The following PIEZO2 variants were observed in gnomAD, a reference collection of about 807,000 sequenced individuals.
PIEZO2 encodes piezo type mechanosensitive ion channel component 2.
In PIEZO2, 172 loss-of-function variants were observed where a neutral mutation model predicts 337.3. That is an observed-to-expected ratio of 0.51 (90% CI 0.45 to 0.58). PIEZO2 has a LOEUF of 0.58. PIEZO2 is among the 20% of genes least tolerant of loss of function. PIEZO2 has a pLI of 0.00. For missense variants in PIEZO2, 3,028 were observed against 3,391.3 expected, an observed-to-expected ratio of 0.89 and a Z score of 2.66; for synonymous variants, 1,251 against 1,228.5, an observed-to-expected ratio of 1.02 and a Z score of -0.38.
At chr18:10,714,311 A>G (rs560013503) in intron 39 of PIEZO2, among the ~76,000 whole-genome samples, 27 of 152,340 alleles carry the variant, frequency 1.8e-4, no homozygotes, top group African/African-American at 5.5e-4. Context: ...ATGGAAGCTA[A>G]CAGAATACTT....
At chr18:11,060,893 C>A (rs1037356885) in intron 2 of PIEZO2, among the ~76,000 whole-genome samples, 3 of 152,172 alleles carry the variant, frequency 2.0e-5, no homozygotes, top group African/African-American at 7.2e-5. Flanking sequence ...GGAATCCTCC[C>A]TAACTCATTT....
At chr18:10,679,005 T>C (rs1308248246) in intron 52 of PIEZO2, among the ~76,000 whole-genome samples, 1 of 150,638 alleles carries the variant, frequency 6.6e-6, no homozygotes, top group Non-Finnish European at 1.5e-5. Context: ...TGATCTCAGC[T>C]CACTGCAACC....
chr18:11,026,750 T>C (rs916345076), intron 2 of PIEZO2, among the ~76,000 whole-genome samples: 10 of 152,180 alleles, frequency 6.6e-5, no homozygotes, highest in African/African-American at 2.4e-4. Context: ...CAGCACCCTC[T>C]TCAAAACTGT....
In PIEZO2 at chr18:11,078,098, C is replaced by A. The variant is rs2038612499; in HGVS notation, c.65-11876G>T. Among the ~76,000 whole-genome samples the A allele has an allele frequency of 6.7e-6, 1 of 148,352 alleles. No individual in the cohort carries two copies. Among genetic ancestry groups the A allele is most frequent in the Admixed American group, 6.7e-5 (1 of 14,988 alleles). On this transcript the variant is annotated intron_variant, in intron 1 of 55. Coordinates refer to ENST00000674853, the MANE Select transcript of PIEZO2 (RefSeq NM_001378183.1). This position sits in a 1 kb window ranked among gnomAD's most constrained non-coding sequence, Gnocchi z 5.3. Reference sequence around the variant, plus strand: ...ACACAAAAACAAACATACACACACACAAACACATACACATATACACACCAT... The same window carrying A: ...ACACAAAAACAAACATACACACACAAAAACACATACACATATACACACCAT...
chr18:10,708,762 T>A (rs1246644616), intron 39 of PIEZO2, among the ~76,000 whole-genome samples: 1 of 152,256 alleles, frequency 6.6e-6, no homozygotes, highest in Non-Finnish European at 1.5e-5. Context: ...TAATTATAAC[T>A]TCGTAACAGA....
At chr18:10,735,358 T>C (rs1321860754) in intron 34 of PIEZO2, among the ~76,000 whole-genome samples, 28 bp from the exon 35 acceptor site, 3 of 152,162 alleles carry the variant, frequency 2.0e-5, no homozygotes, top group Non-Finnish European at 4.4e-5. Context: ...GCAAGAGTAA[T>C]TAGTAGAAAA....
chr18:10,873,672 G>T (rs2042194268), intron 4 of PIEZO2, among the ~76,000 whole-genome samples: 1 of 151,952 alleles, frequency 6.6e-6, no homozygotes, highest in Admixed American at 6.6e-5. Flanking sequence ...CCACGTATTT[G>T]TTACTATAAT....
chr18:10,759,505 C>A lies in PIEZO2; in HGVS notation c.3734G>T (p.Arg1245Leu), dbSNP rs371101691. 1 of 1,537,050 alleles carries A rather than the reference C, an allele frequency of 6.5e-7. No individual in the cohort carries two copies. Residue 1245 changes from arginine (R) to leucine (L), a missense_variant, in exon 26 of 56, where the codon CGG (arginine) becomes CTG (leucine). Around this residue, in one of 5 missense-constraint regions of PIEZO2, gnomAD observed 1,925 missense variants for 2,051.9 expected, o/e 0.94. Coordinates refer to ENST00000674853, the MANE Select transcript of PIEZO2 (RefSeq NM_001378183.1). This position sits in a 1 kb window ranked among gnomAD's most constrained non-coding sequence, Gnocchi z 5.5. ...KWLYFPDFIVRPNPVFLVYDF... is the reference protein window; with the variant it reads ...KWLYFPDFIVLPNPVFLVYDF... ...ACAGACGAGAAACACAGGGTTGGGCCGCACAATGAAATCTGGGAAGTACAG... is the reference window on the plus strand; with the variant it reads ...ACAGACGAGAAACACAGGGTTGGGCAGCACAATGAAATCTGGGAAGTACAG...
Position 10,924,281 on chromosome 18 carries a change from T to C in PIEZO2, c.287-13053A>G, listed in dbSNP as rs182978378. Among the ~76,000 whole-genome samples the C allele has an allele frequency of 4.6e-5, 7 of 152,378 alleles. No homozygotes were observed. The East Asian group carries it at 1.3e-3, about 29-fold the overall frequency. On this transcript the variant is annotated intron_variant, in intron 3 of 55. Coordinates refer to ENST00000674853, the MANE Select transcript of PIEZO2 (RefSeq NM_001378183.1). ...GTGGTTTGTTTCAGTTTATCCATGT[T>C]GCATTATATACTTTTGCTTTTAGTG...
intron 2 of PIEZO2, among the ~76,000 whole-genome samples, chr18:11,045,980 G>A (rs1390999162): frequency 6.6e-6 from 1 of 152,148 alleles, no homozygotes; most frequent in Non-Finnish European, 1.5e-5. Flanking sequence ...TAAATGTACA[G>A]GACTTGCTCA....
At chr18:10,671,884 A>G in intron 55 of PIEZO2, 105 bp from the exon 56 acceptor site, 1 of 1,066,802 alleles carries the variant, frequency 9.4e-7, no homozygotes, top group Non-Finnish European at 1.3e-6. Context: ...AATTCTGTAG[A>G]AGAAATAAGC....
chr18:10,934,022 G>A (rs189946198), intron 3 of PIEZO2, among the ~76,000 whole-genome samples: 1 of 152,228 alleles, frequency 6.6e-6, no homozygotes, highest in Non-Finnish European at 1.5e-5. Flanking sequence ...TCCAGGGTAA[G>A]TCTTTATTTG....
intron 4 of PIEZO2, among the ~76,000 whole-genome samples, chr18:10,901,664 G>A (rs2043052315): frequency 6.6e-6 from 1 of 152,174 alleles, no homozygotes; most frequent in Non-Finnish European, 1.5e-5. Context: ...CCACTTTAGA[G>A]CATTGTGGAG....
chr18:11,058,563 T>G (rs1001400722), intron 2 of PIEZO2, among the ~76,000 whole-genome samples: 7 of 151,776 alleles, frequency 4.6e-5, no homozygotes, highest in Admixed American at 6.6e-5. Context: ...GAATAACCAG[T>G]GCAGAGAGGT....
chr18:10,769,187 T>C (rs1370853704), intron 21 of PIEZO2, among the ~76,000 whole-genome samples: 1 of 152,250 alleles, frequency 6.6e-6, no homozygotes, highest in Non-Finnish European at 1.5e-5. Context: ...TCAATGAATA[T>C]AAATACTAGG....
intron 48 of PIEZO2, 40 bp from the exon 49 acceptor site, chr18:10,689,842 T>G (rs769683182): frequency 6.4e-7 from 1 of 1,573,018 alleles, no homozygotes; most frequent in Non-Finnish European, 8.6e-7. Flanking sequence ...CATTCGTGGG[T>G]GGCCCCCACC....
At chr18:10,939,745 C>T (rs2066067773) in intron 3 of PIEZO2, among the ~76,000 whole-genome samples, 1 of 152,054 alleles carries the variant, frequency 6.6e-6, no homozygotes, top group African/African-American at 2.4e-5. Flanking sequence ...GGGAGGGGAA[C>T]AGCACACACT....
rs1194787931 is a variant in PIEZO2 at position 11,080,838 on chromosome 18, G to A, written c.65-14616C>T. On this transcript the variant is annotated intron_variant, in intron 1 of 55. Transcript: ENST00000674853. This position sits in a 1 kb window ranked among gnomAD's most constrained non-coding sequence, Gnocchi z 5.4. ...CAGCCTGGCGACAGAGCAAGGCTCT[G>A]TCAATAAATAAATAAACAAACACAT... 1.3e-5 allele frequency among the ~76,000 whole-genome samples: 2 copies of A among 152,076 alleles called. No homozygotes were observed. The highest frequency in any genetic ancestry group is 1.3e-4 in the Admixed American group (2 of 15,262).
chr18:11,091,048 T>C (rs575513721), intron 1 of PIEZO2, among the ~76,000 whole-genome samples: 1 of 151,954 alleles, frequency 6.6e-6, no homozygotes, highest in Non-Finnish European at 1.5e-5. Context: ...ACTATGCTAG[T>C]GTATATGAAA....
Sources: gnomAD v4.1 joint callset for allele counts (sites outside exome capture counted in the v4.1 genomes callset) on GRCh38, gnomAD v4.1.1 for gene constraint, gnomAD v4.1.1 regional missense constraint, Gnocchi (gnomAD v3.1) non-coding constraint, MANE v1.5 for transcripts, NCBI Gene and HGNC (gene_info 2026-07-23, HGNC 2026-07-21) for gene names.